Variants in THSD4 observed in about 807,000 individuals in gnomAD.
THSD4 encodes thrombospondin type-1 domain-containing protein 4.
Under a neutral mutation model 119.0 loss-of-function variants are expected in THSD4, and 69 were observed. The ratio of observed to expected loss-of-function variants is 0.58; its 90% CI spans 0.48 to 0.71. The LOEUF is 0.71. THSD4 is among the 30% of genes least tolerant of loss of function. The pLI is 0.00. For missense variants in THSD4, 1,393 were observed against 1,391.1 expected (o/e 1.00, Z -0.02); for synonymous variants, 524 against 540.4 (o/e 0.97, Z 0.42).
chr15:71,545,406 A>T (rs1198539649), intron 7 of THSD4, among the ~76,000 whole-genome samples: 3 of 152,124 alleles, frequency 2.0e-5, no homozygotes. Context: ...TTACAAATAA[A>T]GTTTTATTGG....
intron 7 of THSD4, among the ~76,000 whole-genome samples, chr15:71,652,260 T>C (rs1172743460): frequency 6.6e-6 from 1 of 152,194 alleles, no homozygotes; most frequent in Non-Finnish European, 1.5e-5. Context: ...CGTGGTTTTT[T>C]CCTGCTGCCA....
At chr15:71,212,696 G>T (rs970688905) in intron 3 of THSD4, among the ~76,000 whole-genome samples, 1 of 152,242 alleles carries the variant, frequency 6.6e-6, no homozygotes, top group African/African-American at 2.4e-5. Context: ...GGAGAAAAAT[G>T]AATTTAGACC....
At chr15:71,725,723 A>G (rs1261473600) in intron 8 of THSD4, among the ~76,000 whole-genome samples, 1 of 152,208 alleles carries the variant, frequency 6.6e-6, no homozygotes, top group African/African-American at 2.4e-5. Context: ...CCTCAATGGA[A>G]TGATGGAGGC....
intron 6 of THSD4, among the ~76,000 whole-genome samples, chr15:71,278,658 C>G (rs550884267): frequency 6.6e-6 from 1 of 152,244 alleles, no homozygotes; most frequent in African/African-American, 2.4e-5. Context: ...CTTGACTAGT[C>G]TCTGATGGGG....
intron 7 of THSD4, among the ~76,000 whole-genome samples, chr15:71,528,687 C>CT (rs1379915807): frequency 2.6e-5 from 4 of 152,200 alleles, no homozygotes; most frequent in Admixed American, 2.6e-4. Flanking sequence ...CCTTTTGTTA[C>CT]TGACACTGGA....
At chr15:71,579,263 C>T (rs2049514589) in intron 7 of THSD4, among the ~76,000 whole-genome samples, 1 of 152,186 alleles carries the variant, frequency 6.6e-6, no homozygotes, top group Admixed American at 6.5e-5. Context: ...TCCATAACAG[C>T]TGGCTCTTCA....
chr15:71,156,750 G>A (rs2040782147), intron 3 of THSD4, among the ~76,000 whole-genome samples: 1 of 152,146 alleles, frequency 6.6e-6, no homozygotes, highest in African/African-American at 2.4e-5. Context: ...CTATTGTACT[G>A]TATCTCCCAC....
intron 7 of THSD4, among the ~76,000 whole-genome samples, chr15:71,487,781 G>A (rs758019378): frequency 5.9e-5 from 9 of 152,028 alleles, no homozygotes; most frequent in Non-Finnish European, 1.2e-4. Flanking sequence ...AAATGCTATT[G>A]TAAATAGAAT....
chr15:71,625,285 G>A (rs1019161049), intron 7 of THSD4, among the ~76,000 whole-genome samples: 6 of 152,164 alleles, frequency 3.9e-5, no homozygotes, highest in African/African-American at 1.4e-4. Flanking sequence ...TGGGATTACA[G>A]GTGTGAGCCA....
chr15:71,136,664 A>AGGGG (rs531250029), intron 1 of THSD4, among the ~76,000 whole-genome samples: 1 of 141,278 alleles, frequency 7.1e-6, no homozygotes, highest in South Asian at 2.6e-4. Flanking sequence ...CAGCGTGTGT[A>AGGGG]GGAGGGAGGG....
At chr15:71,537,208 T>C (rs1595866777) in intron 7 of THSD4, among the ~76,000 whole-genome samples, 1 of 152,238 alleles carries the variant, frequency 6.6e-6, no homozygotes, top group African/African-American at 2.4e-5. Flanking sequence ...CCTTTTCATC[T>C]GGACTACAGC....
chr15:71,509,861 T>G (rs1305641087), intron 7 of THSD4, among the ~76,000 whole-genome samples: 2 of 152,224 alleles, frequency 1.3e-5, no homozygotes, highest in African/African-American at 4.8e-5. Context: ...TTTATTTAGA[T>G]TGAATGATGA....
chr15:71,350,698 T>C (rs1417588425), intron 6 of THSD4, among the ~76,000 whole-genome samples: 2 of 152,046 alleles, frequency 1.3e-5, no homozygotes, highest in Admixed American at 6.6e-5. Flanking sequence ...CATGGAAGTT[T>C]AGGAGGATGG....
chr15:71,320,423 T>G (rs1188689814), intron 6 of THSD4, among the ~76,000 whole-genome samples: 2 of 152,226 alleles, frequency 1.3e-5, no homozygotes, highest in Non-Finnish European at 2.9e-5. Context: ...CCTTTTTTGA[T>G]GAGGATACTA....
intron 6 of THSD4, among the ~76,000 whole-genome samples, chr15:71,302,059 A>T (rs962723891): frequency 1.3e-5 from 2 of 152,098 alleles, no homozygotes; most frequent in African/African-American, 4.8e-5. Context: ...TTATTTTGGG[A>T]TCTATTTCTA....
At chr15:71,440,140 G>A (rs1329803839) in intron 7 of THSD4, among the ~76,000 whole-genome samples, 1 of 152,134 alleles carries the variant, frequency 6.6e-6, no homozygotes, top group African/African-American at 2.4e-5. Context: ...AGGGAGATCA[G>A]TGACAGCCAT....
At chr15:71,285,626 T>C (rs34913152) in intron 6 of THSD4, among the ~76,000 whole-genome samples, 112,919 of 152,036 alleles carry the variant, frequency 0.74, 42,036 homozygotes, top group East Asian at 0.83. Context: ...GAGGCCAAGG[T>C]GGGTGGATCA....
intron 15 of THSD4, among the ~76,000 whole-genome samples, chr15:71,763,004 G>A (rs2053651393): frequency 6.6e-6 from 1 of 152,152 alleles, no homozygotes; most frequent in South Asian, 2.1e-4. Flanking sequence ...CTGGGAGGCA[G>A]AGGTTGCAGT....
chr15:71,675,080 C>T (rs2141020073), intron 8 of THSD4, among the ~76,000 whole-genome samples: 1 of 152,262 alleles, frequency 6.6e-6, no homozygotes, highest in African/African-American at 2.4e-5. Flanking sequence ...ATCCAATCCC[C>T]CTCCTTTGGT....
Sources: allele counts gnomAD v4.1 joint callset (sites outside exome capture counted in the v4.1 genomes callset), GRCh38; gene constraint gnomAD v4.1.1; transcripts MANE v1.5; gene names NCBI Gene and HGNC (gene_info 2026-07-23, HGNC 2026-07-21).